CNTNAP2: variants seen among roughly 807,000 people sequenced by gnomAD.
CNTNAP2 encodes the protein contactin associated protein 2.
CNTNAP2 carries 98 observed loss-of-function variants against 155.2 expected under a neutral mutation model. That is an observed-to-expected ratio of 0.63 (90% CI 0.54 to 0.75). The LOEUF (loss-of-function observed/expected upper bound fraction) is 0.75, where lower values mean the gene tolerates loss of function less well. CNTNAP2 is among the 30% of genes least tolerant of loss of function. The pLI, the probability that CNTNAP2 is intolerant of heterozygous loss-of-function variation, is 0.00. For synonymous variants in CNTNAP2, 651 were observed against 631.2 expected, an observed-to-expected ratio of 1.03 and a Z score of -0.47; for missense variants, 1,727 against 1,688.1, an observed-to-expected ratio of 1.02 and a Z score of -0.40.
intron 13 of CNTNAP2, among the ~76,000 whole-genome samples, chr7:147,867,924 A>G (rs1299452905): frequency 6.6e-6 from 1 of 152,126 alleles, no homozygotes; most frequent in Non-Finnish European, 1.5e-5. Context: ...GTTTGTTATT[A>G]TCAACCTTCT....
At chr7:146,860,760 C>T (rs976404297) in intron 3 of CNTNAP2, among the ~76,000 whole-genome samples, 21 of 149,670 alleles carry the variant, frequency 1.4e-4, no homozygotes, top group South Asian at 6.3e-4. Context: ...AAAAAAAAAA[C>T]GCATTATTGA....
chr7:146,950,447 C>T (rs1291292150), intron 3 of CNTNAP2, among the ~76,000 whole-genome samples: 2 of 151,994 alleles, frequency 1.3e-5, no homozygotes, highest in Non-Finnish European at 2.9e-5. Context: ...CCTCCCCTTG[C>T]CCCCCACCAC....
At chr7:147,203,999 A>C (rs1045100329) in intron 8 of CNTNAP2, among the ~76,000 whole-genome samples, 18 of 152,216 alleles carry the variant, frequency 1.2e-4, no homozygotes, top group African/African-American at 4.3e-4. Context: ...AGAAAATTAA[A>C]AAGAAAGGTT....
At position 147,044,072 on chromosome 7, in the gene CNTNAP2, T is replaced by G. The variant is rs1221832827; in HGVS notation, c.550+18T>G. 6.2e-7 allele frequency: 1 copy of G among 1,613,972 alleles called. No individual in the cohort carries two copies. The highest frequency in any genetic ancestry group is 1.1e-5 in the South Asian group (1 of 91,068). Reference sequence around the variant, plus strand: ...TTCTTACTGTGAGTATCGTATTGTTTAAATTTGTGGCAGGTTTTATCTTTA... The same window carrying G: ...TTCTTACTGTGAGTATCGTATTGTTGAAATTTGTGGCAGGTTTTATCTTTA... On this transcript the variant is annotated intron_variant, in intron 4 of 23. Coordinates refer to ENST00000361727, the MANE Select transcript of CNTNAP2 (RefSeq NM_014141.6).
At chr7:147,179,773 G>A (rs1331185178) in intron 8 of CNTNAP2, among the ~76,000 whole-genome samples, 4 of 152,260 alleles carry the variant, frequency 2.6e-5, no homozygotes, top group African/African-American at 9.6e-5. Flanking sequence ...AACTCCAGTG[G>A]TTTTGGGAAA....
intron 8 of CNTNAP2, among the ~76,000 whole-genome samples, chr7:147,190,592 G>A (rs191693464): frequency 1.1e-4 from 16 of 152,194 alleles, no homozygotes; most frequent in East Asian, 5.8e-4. Context: ...CATTAGCTTC[G>A]CAATGGTGTT....
chr7:148,394,616 G>A (rs760500598), intron 22 of CNTNAP2, among the ~76,000 whole-genome samples: 2 of 152,174 alleles, frequency 1.3e-5, no homozygotes, highest in Non-Finnish European at 2.9e-5. Context: ...TACACCATGC[G>A]TGTCTTCTCC....
intron 13 of CNTNAP2, among the ~76,000 whole-genome samples, chr7:147,885,840 T>C (rs1554445455): frequency 6.6e-6 from 1 of 152,138 alleles, no homozygotes; most frequent in Non-Finnish European, 1.5e-5. Flanking sequence ...TCCCAGTCTG[T>C]AGGGAAGATG....
chr7:148,304,169 T>C (rs1881724), intron 21 of CNTNAP2, among the ~76,000 whole-genome samples: 147,882 of 152,280 alleles, frequency 0.97, 71,955 homozygotes, highest in East Asian at 1. Context: ...ACTTGATAGG[T>C]TCAAAACAGG....
chr7:146,946,688 G>T (rs1797183159), intron 3 of CNTNAP2, among the ~76,000 whole-genome samples: 3 of 152,028 alleles, frequency 2.0e-5, no homozygotes, highest in African/African-American at 7.3e-5. Flanking sequence ...AATTAAAATA[G>T]GAACCATTAC....
At chr7:147,989,015 A>G (rs1801667213) in intron 15 of CNTNAP2, among the ~76,000 whole-genome samples, 1 of 152,202 alleles carries the variant, frequency 6.6e-6, no homozygotes, top group African/African-American at 2.4e-5. Flanking sequence ...ATTTTAACAA[A>G]GTGGAGGAGA....
At chr7:147,742,464 T>A (rs1796971034) in intron 13 of CNTNAP2, among the ~76,000 whole-genome samples, 1 of 152,236 alleles carries the variant, frequency 6.6e-6, no homozygotes, top group Non-Finnish European at 1.5e-5. Context: ...GAATCTGTTA[T>A]CAGTGTTTCG....
At chr7:146,321,276 G>A (rs990401212) in intron 1 of CNTNAP2, among the ~76,000 whole-genome samples, 2 of 152,144 alleles carry the variant, frequency 1.3e-5, no homozygotes, top group African/African-American at 4.8e-5. Context: ...TATTGTCATA[G>A]AATCAGATAT....
At chr7:147,743,673 C>T (rs115086936) in intron 13 of CNTNAP2, among the ~76,000 whole-genome samples, 4,884 of 135,396 alleles carry the variant, frequency 0.036, 254 homozygotes, top group African/African-American at 0.13. Flanking sequence ...TTTTCTCCTT[C>T]CTGACCTCTC....
At chr7:147,284,413 C>G (rs1390233977) in intron 8 of CNTNAP2, among the ~76,000 whole-genome samples, 1 of 151,792 alleles carries the variant, frequency 6.6e-6, no homozygotes, top group African/African-American at 2.4e-5. Flanking sequence ...ACACGGCTCT[C>G]CTGTCTTACG....
chr7:147,457,073 A>T (rs1189617655), intron 10 of CNTNAP2, among the ~76,000 whole-genome samples: 2 of 152,334 alleles, frequency 1.3e-5, no homozygotes, highest in East Asian at 3.9e-4. Flanking sequence ...CTGGACCAGT[A>T]CTTTTCCTTT....
intron 13 of CNTNAP2, among the ~76,000 whole-genome samples, chr7:147,713,164 G>GT (rs1320559661): frequency 3.3e-5 from 5 of 151,782 alleles, no homozygotes; most frequent in African/African-American, 1.2e-4. Context: ...TTTCTTTTGT[G>GT]TTTTTTTAAT....
At chr7:147,738,036 G>A (rs923737296) in intron 13 of CNTNAP2, among the ~76,000 whole-genome samples, 3 of 152,142 alleles carry the variant, frequency 2.0e-5, no homozygotes, top group Non-Finnish European at 4.4e-5. Flanking sequence ...TGCACCCACT[G>A]TCCAACAATC....
At chr7:147,398,608 TGCTTTGTGTGTAGA>T (rs1796861201) in intron 10 of CNTNAP2, among the ~76,000 whole-genome samples, 1 of 134,344 alleles carries the variant, frequency 7.4e-6, no homozygotes, top group African/African-American at 2.7e-5. Flanking sequence ...TTTTTTTTTT[TGCTTTGTGTGTAGA>T]TTTGCATGTG....
Sources: gnomAD v4.1 joint callset for allele counts (sites outside exome capture counted in the v4.1 genomes callset) on GRCh38, gnomAD v4.1.1 for gene constraint, MANE v1.5 for transcripts, NCBI Gene and HGNC (gene_info 2026-07-23, HGNC 2026-07-21) for gene names.